Variants in NEDD4 observed in about 807,000 individuals in gnomAD.
NEDD4 encodes NEDD4 E3 ubiquitin protein ligase, also known as E3 ubiquitin-protein ligase NEDD4.
Under a neutral mutation model 144.9 loss-of-function variants are expected in NEDD4, and 99 were observed. That is an observed-to-expected ratio of 0.68 (90% confidence interval 0.58 to 0.81). The LOEUF is 0.81. Among genes scored for constraint, NEDD4 ranks in the 30% least tolerant of loss-of-function variants. The pLI is 0.00. For missense variants in NEDD4, 985 were observed against 1,065.9 expected (o/e 0.92, Z 1.06); for synonymous variants, 318 against 350.6 (o/e 0.91, Z 1.04).
At chr15:55,964,692 G>GGTGTGTGT (rs58177503) in intron 2 of NEDD4, among the ~76,000 whole-genome samples, 26 of 137,222 alleles carry the variant, frequency 1.9e-4, no homozygotes, top group East Asian at 1.5e-3. Flanking sequence ...TTTTGCTGCT[G>GGTGTGTGT]GTGTGTGTGT....
chr15:55,847,316 G>T (rs1240467163), intron 17 of NEDD4, among the ~76,000 whole-genome samples: 1 of 152,124 alleles, frequency 6.6e-6, no homozygotes, highest in East Asian at 1.9e-4. Flanking sequence ...TCCAGGTAGA[G>T]AAATATTAGA....
intron 6 of NEDD4, among the ~76,000 whole-genome samples, chr15:55,872,973 A>G (rs2142067260): frequency 6.6e-6 from 1 of 152,042 alleles, no homozygotes; most frequent in African/African-American, 2.4e-5. Flanking sequence ...CAATTAATAT[A>G]ACTCACAAGA....
chr15:55,857,701 A>C (rs2034251352), intron 11 of NEDD4, among the ~76,000 whole-genome samples: 1 of 152,216 alleles, frequency 6.6e-6, no homozygotes, highest in Non-Finnish European at 1.5e-5. Flanking sequence ...TATTTTTTAA[A>C]ATAGGTAACA....
chr15:55,867,450 G>C (rs758454377), intron 8 of NEDD4, among the ~76,000 whole-genome samples: 1 of 152,204 alleles, frequency 6.6e-6, no homozygotes, highest in Non-Finnish European at 1.5e-5. Flanking sequence ...TATGATGCGT[G>C]CATGTGGGCA....
chr15:55,910,511 C>T (rs1244517404), intron 5 of NEDD4, among the ~76,000 whole-genome samples: 1 of 152,098 alleles, frequency 6.6e-6, no homozygotes, highest in Non-Finnish European at 1.5e-5. Flanking sequence ...TCTTCTACCG[C>T]CTCACCAAAG....
intron 1 of NEDD4, 86 bp downstream of exon 1, chr15:55,993,425 G>C: frequency 6.6e-7 from 1 of 1,514,948 alleles, no homozygotes; most frequent in Non-Finnish European, 9.0e-7. Flanking sequence ...AGAGCCTCCG[G>C]TCGTGGCCGC....
At chr15:55,853,354 C>T (rs547356766) in intron 12 of NEDD4, among the ~76,000 whole-genome samples, 3 of 152,126 alleles carry the variant, frequency 2.0e-5, no homozygotes, top group African/African-American at 7.2e-5. Flanking sequence ...ACACAGATAA[C>T]GTCATTTACT....
chr15:55,956,579 T>C (rs1327436590), intron 2 of NEDD4, among the ~76,000 whole-genome samples: 3 of 152,214 alleles, frequency 2.0e-5, no homozygotes, highest in Non-Finnish European at 4.4e-5. Flanking sequence ...AAACAGGAGC[T>C]GATCATATAT....
At chr15:55,964,115 G>GT (rs1378115563) in intron 2 of NEDD4, among the ~76,000 whole-genome samples, 1 of 152,048 alleles carries the variant, frequency 6.6e-6, no homozygotes, top group Non-Finnish European at 1.5e-5. Context: ...CCTGCTTGGT[G>GT]TTTTTAAATA....
chr15:55,915,480 C>T (rs60811367), intron 5 of NEDD4: 64 of 1,613,528 alleles, frequency 4.0e-5, no homozygotes, highest in Non-Finnish European at 5.3e-5. Context: ...TCGTAAAATA[C>T]CATGGTTTTT....
chr15:55,955,892 T>G (rs1310937793), intron 2 of NEDD4, among the ~76,000 whole-genome samples: 1 of 150,890 alleles, frequency 6.6e-6, no homozygotes, highest in Non-Finnish European at 1.5e-5. Context: ...CACGGCTCAC[T>G]GTAGCCTCAA....
intron 2 of NEDD4, among the ~76,000 whole-genome samples, chr15:55,952,232 G>T (rs1332023602): frequency 2.0e-5 from 3 of 152,040 alleles, no homozygotes; most frequent in African/African-American, 7.2e-5. Context: ...TACTCGGGAG[G>T]CTGAGGCAGG....
intron 5 of NEDD4, among the ~76,000 whole-genome samples, chr15:55,906,510 T>C (rs1473257925): frequency 1.3e-5 from 2 of 152,058 alleles, no homozygotes; most frequent in African/African-American, 4.8e-5. Context: ...GAAACCATCA[T>C]TCTCAGCAAA....
rs971175864 is a variant in NEDD4 at position 55,827,134 on chromosome 15, A to C, written c.*2763T>G. 2.6e-4 allele frequency: 39 copies of C among 152,248 alleles called. No homozygotes were observed. The highest frequency in any genetic ancestry group is 8.0e-4 in the African/African-American group (33 of 41,458). 9.4% of individuals were successfully genotyped at this position (152,248 alleles called of 1,614,324 possible). On this transcript the variant is annotated 3_prime_UTR_variant, in exon 29 of 29. Coordinates refer to ENST00000435532, the MANE Select transcript of NEDD4 (RefSeq NM_006154.4). ...ATGGAATAACTTCAGCATTATAAATAAAAACCCAAAACAAACACCATTTAA... is the reference window on the plus strand; with the variant it reads ...ATGGAATAACTTCAGCATTATAAATCAAAACCCAAAACAAACACCATTTAA...
rs150235949 is a variant in NEDD4, at chr15:55,870,890, A to G, written c.405-1209T>C. 1.6e-3 allele frequency among the ~76,000 whole-genome samples: 249 copies of G among 152,162 alleles called. 1 individual carries two copies. The highest frequency in any genetic ancestry group is 5.7e-3 in the African/African-American group (237 of 41,516). On this transcript the variant is annotated intron_variant, in intron 7 of 28. Coordinates refer to ENST00000435532, the MANE Select transcript of NEDD4 (RefSeq NM_006154.4). ...TAGTATCCTATGATTTACTTAAGAA[A>G]TCCTTACTTGTCTCAGCTCTCTATA...
chr15:55,945,805 A>C (rs1485512573), intron 4 of NEDD4, among the ~76,000 whole-genome samples: 1 of 152,190 alleles, frequency 6.6e-6, no homozygotes, highest in Non-Finnish European at 1.5e-5. Flanking sequence ...GACTAACAGC[A>C]AATCTCTCAG....
At chr15:55,947,600 C>T (rs1397698251) in intron 4 of NEDD4, among the ~76,000 whole-genome samples, 2 of 151,938 alleles carry the variant, frequency 1.3e-5, no homozygotes, top group African/African-American at 4.8e-5. Flanking sequence ...GGAGCTTATC[C>T]ACCATGATCA....
intron 4 of NEDD4, among the ~76,000 whole-genome samples, chr15:55,930,524 C>A (rs2036759168): frequency 6.6e-6 from 1 of 152,100 alleles, no homozygotes; most frequent in African/African-American, 2.4e-5. Context: ...ATAATACAAA[C>A]AGAGGGAAGA....
chr15:55,842,180 G>C lies in NEDD4; in HGVS notation c.1609-17C>G. ...AATGTCATTCTGAAAATCCAGAGGA[G>C]AGACGTACTGTTTAAATCAGTTCAA... On this transcript the variant is annotated splice_polypyrimidine_tract_variant and intron_variant, in intron 18 of 28. Transcript: ENST00000435532. 1.3e-6 allele frequency: 2 copies of C among 1,596,908 alleles called. No individual in the cohort carries two copies. Among genetic ancestry groups the C allele is most frequent in the Non-Finnish European group, 1.7e-6 (2 of 1,164,558 alleles).
Sources: allele counts gnomAD v4.1 joint callset (sites outside exome capture counted in the v4.1 genomes callset), GRCh38; gene constraint gnomAD v4.1.1; transcripts MANE v1.5; gene names NCBI Gene and HGNC (gene_info 2026-07-23, HGNC 2026-07-21).